Variants in SCAF11 observed in about 807,000 individuals in gnomAD.
SCAF11 encodes SR-related CTD associated factor 11.
SCAF11 carries 47 observed loss-of-function variants against 140.5 expected under a neutral mutation model. The observed-to-expected ratio is 0.33, with a 90% CI of 0.26 to 0.43. SCAF11 has a LOEUF of 0.43. Ranked by LOEUF, SCAF11 falls within the 20% of genes least tolerant of loss-of-function variation. The pLI, the probability that SCAF11 is intolerant of heterozygous loss-of-function variation, is 1.00. For missense variants in SCAF11, 1,645 were observed against 1,705.1 expected (o/e 0.96, Z 0.62); for synonymous variants, 557 against 579.4 (o/e 0.96, Z 0.55).
chr12:45,952,548 TA>T (rs1945576920), intron 3 of SCAF11, among the ~76,000 whole-genome samples: 1 of 152,188 alleles, frequency 6.6e-6, no homozygotes, highest in Non-Finnish European at 1.5e-5. Flanking sequence ...CTTTATTTAT[TA>T]AGGAAATTGG....
At chr12:45,974,666 TCTC>T (rs1458732317) in intron 1 of SCAF11, 1 of 169,626 alleles carries the variant, frequency 5.9e-6, no homozygotes, top group Non-Finnish European at 1.3e-5. Flanking sequence ...CTATAATAGT[TCTC>T]CTGCTGTTTA....
In SCAF11 at chr12:45,934,219, C is replaced by T; in HGVS notation, c.589G>A (p.Val197Ile). The stretch of plus-strand genomic sequence containing the variant: ...AAGGAAGATTCTCCAGAGTGGCTAA[C>T]AGAAGAAAACATATTGGAGAAAAAA... ...RNFFSNMFSS[V>I]SHSGESSFTY... is the part of the protein sequence containing the mutation. The change falls in exon 8 of 15, where the codon GTT (valine) becomes ATT (isoleucine). Residue 197 changes from valine to isoleucine, a missense_variant. Around this residue, in one of 2 missense-constraint regions of SCAF11, gnomAD observed 1,582 missense variants for 1,609.2 expected, o/e 0.98. Coordinates refer to ENST00000369367, the MANE Select transcript of SCAF11 (RefSeq NM_004719.3). 1 of 1,610,932 alleles carries T rather than the reference C, an allele frequency of 6.2e-7. No individual in the cohort carries two copies. Among genetic ancestry groups the T allele is most frequent in the Non-Finnish European group, 8.5e-7 (1 of 1,177,940 alleles).
chr12:45,927,454 C>A lies in SCAF11; in HGVS notation c.2247G>T (p.Val749=), dbSNP rs781400261. 13 of 1,613,320 alleles carry A rather than the reference C, an allele frequency of 8.1e-6. No homozygotes were observed. In the East Asian group the frequency reaches 2.0e-4, roughly 25 times the overall value. Residue 749 remains valine, a synonymous_variant, in exon 11 of 15, where the codon GTG becomes GTT. Coordinates refer to ENST00000369367, the MANE Select transcript of SCAF11 (RefSeq NM_004719.3). The part of the protein sequence containing the change: ...ADLKQMNENS[V]THCSENNMPS... ...GCATATTATTTTCAGAACAGTGTGT[C>A]ACAGAATTTTCATTCATTTGTTTAA...
chr12:45,950,918 G>A (rs973909205), intron 4 of SCAF11, among the ~76,000 whole-genome samples: 1 of 152,024 alleles, frequency 6.6e-6, no homozygotes, highest in African/African-American at 2.4e-5. Context: ...TGTTTATATT[G>A]AGTACTCTCA....
At chr12:45,937,264 T>C (rs1945192730) in intron 6 of SCAF11, among the ~76,000 whole-genome samples, 1 of 152,168 alleles carries the variant, frequency 6.6e-6, no homozygotes, top group South Asian at 2.1e-4. Flanking sequence ...TATCTTCTAC[T>C]CCTGTTGAAT....
rs1330647806 is a variant in SCAF11 at position 45,972,997 on chromosome 12, TATAG to T, written c.-21-8813_-21-8810del. ...ATATATAGATATATAGATATAGATA[TATAG>T]ATATATATATAGATATATAGATATA... On this transcript the variant is annotated intron_variant, in intron 1 of 14. Coordinates refer to ENST00000369367, the MANE Select transcript of SCAF11 (RefSeq NM_004719.3). 2.2e-4 allele frequency among the ~76,000 whole-genome samples: 32 copies of T among 144,932 alleles called. 2 individuals are homozygous for T. In the South Asian group the frequency reaches 6.5e-3, roughly 29 times the overall value.
At chr12:45,937,812 G>T (rs1945205445) in intron 6 of SCAF11, among the ~76,000 whole-genome samples, 1 of 152,142 alleles carries the variant, frequency 6.6e-6, no homozygotes, top group African/African-American at 2.4e-5. Flanking sequence ...CATCATTTAT[G>T]CTAAAGTTTA....
Position 45,933,245 on chromosome 12 carries a change from T to G in SCAF11, c.633-13A>C. The G allele has an allele frequency of 4.5e-6, 7 of 1,558,080 alleles. No homozygotes were observed. The highest frequency in any genetic ancestry group is 6.2e-6 in the Non-Finnish European group (7 of 1,135,988). ...TATAAATTCTGTACTAAAAGATAAA[T>G]TTTAGACCTTCATCAGAATCTCACA... On this transcript the variant is annotated splice_polypyrimidine_tract_variant and intron_variant, in intron 8 of 14. Transcript: ENST00000369367.
chr12:45,954,855 G>A (rs1159727463), intron 3 of SCAF11: 2 of 150,778 alleles, frequency 1.3e-5, no homozygotes, highest in Non-Finnish European at 2.9e-5. Flanking sequence ...CAAAGTGTTG[G>A]GATTACAGGA....
At chr12:45,956,166 C>T (rs961851482) in intron 3 of SCAF11, 4 of 716,754 alleles carry the variant, frequency 5.6e-6, no homozygotes, top group Non-Finnish European at 1.0e-5. Context: ...TATCCTCAAT[C>T]ACATAGGCTG....
In SCAF11 at chr12:45,928,112, G is replaced by A. The variant is rs1254007313; in HGVS notation, c.1589C>T (p.Ser530Phe). Residue 530 changes from serine (S) to phenylalanine (F), a missense_variant, in exon 11 of 15, where the codon TCT becomes TTT. By Grantham distance (155) the Ser-to-Phe change is radical (BLOSUM62 -2). Transcript: ENST00000369367. ...GDPLEKQDQI[S>F]GLSQSEVKTD... ...CTTTACCTCTGATTGTGAAAGTCCA[G>A]ATATCTGGTCTTGCTTTTCCAATGG... 5 of 1,613,826 alleles carry A rather than the reference G, an allele frequency of 3.1e-6. No homozygotes were observed. The highest frequency in any genetic ancestry group is 4.2e-6 in the Non-Finnish European group (5 of 1,179,986).
chr12:45,931,693 C>T, intron 9 of SCAF11, 81 bp from the exon 10 acceptor site: 1 of 707,472 alleles, frequency 1.4e-6, no homozygotes, highest in Non-Finnish European at 2.2e-6. Context: ...TTCTCTAAAT[C>T]AGGTTAGCAA....
intron 3 of SCAF11, chr12:45,955,936 G>A (rs1183684210): frequency 1.5e-5 from 9 of 585,586 alleles, no homozygotes; most frequent in Non-Finnish European, 6.1e-6. Context: ...ATGTTTTACT[G>A]TGAATGCTCT....
rs1244656416 is a variant in SCAF11 at position 45,951,759 on chromosome 12, A to G, written c.220-32T>C. The G allele has an allele frequency of 8.0e-6, 11 of 1,379,612 alleles. No individual in the cohort carries two copies. The East Asian group carries it at 2.6e-4, about 32-fold the overall frequency. 85.5% of individuals were successfully genotyped at this position (1,379,612 alleles called of 1,614,324 possible). A position where few individuals can be genotyped will look rare whatever the true frequency, so the allele number is the denominator to read the frequency against. On this transcript the variant is annotated intron_variant, in intron 3 of 14. Transcript: ENST00000369367. ...AGTGATTAACAAATTATATCTTTAC[A>G]AATGTTTCTTTAGATCAAAATTATA...
At chr12:45,975,835 T>C (rs1396551168) in intron 1 of SCAF11, 2 of 152,162 alleles carry the variant, frequency 1.3e-5, no homozygotes, top group Admixed American at 6.5e-5. Flanking sequence ...ACCTGTCTTA[T>C]ATGGGCGCTC....
At chr12:45,929,982 A>G (rs1565663145) in intron 10 of SCAF11, 1 of 152,234 alleles carries the variant, frequency 6.6e-6, no homozygotes, top group Non-Finnish European at 1.5e-5. Context: ...CTCCTTACTG[A>G]TAACAGTGAA....
At position 45,928,797 on chromosome 12, in the gene SCAF11, A is replaced by G. The variant is rs745618511; in HGVS notation, c.904T>C (p.Ser302Pro). Residue 302 changes from serine (S) to proline (P), a missense_variant, in exon 11 of 15, where the codon TCT becomes CCT. Coordinates refer to ENST00000369367, the MANE Select transcript of SCAF11 (RefSeq NM_004719.3). ...TQEGEEKKQT[S>P]GTSNTRGSRR... ...GATCCTCTGGTATTTGATGTACCAG[A>G]AGTTTGCTTCTTTTCTTCCCCTTCT... 14 of 1,613,448 alleles carry G rather than the reference A, an allele frequency of 8.7e-6. No individual in the cohort carries two copies. In the Admixed American group the frequency reaches 2.0e-4, roughly 23 times the overall value.
Position 45,926,282 on chromosome 12 carries a change from G to A in SCAF11, c.3419C>T (p.Ser1140Phe). Residue 1140 changes from serine to phenylalanine, a missense_variant, in exon 11 of 15, where the codon TCT (serine) becomes TTT (phenylalanine). Coordinates refer to ENST00000369367, the MANE Select transcript of SCAF11 (RefSeq NM_004719.3). ...CCAGCTGGATGCAGATGTCCATCCA[G>A]ATCTATCTGCTGGTGTATCAAATGA... ...EFSFDTPADR[S>F]GWTSASSWAV... 1 of 1,614,132 alleles carries A rather than the reference G, an allele frequency of 6.2e-7. No individual in the cohort carries two copies. The highest frequency in any genetic ancestry group is 8.5e-7 in the Non-Finnish European group (1 of 1,180,020).
intron 6 of SCAF11, chr12:45,934,971 A>T (rs1420919206): frequency 6.6e-6 from 1 of 152,288 alleles, no homozygotes; most frequent in Non-Finnish European, 1.5e-5. Context: ...TTAACCATAA[A>T]TTACCATTTA....
Sources: allele counts gnomAD v4.1 joint callset (sites outside exome capture counted in the v4.1 genomes callset), GRCh38; gene constraint gnomAD v4.1.1; regional missense constraint gnomAD v4.1.1; transcripts MANE v1.5; gene names NCBI Gene and HGNC (gene_info 2026-07-23, HGNC 2026-07-21).